STX11: variants seen among roughly 807,000 people sequenced by gnomAD.
The protein encoded by STX11 is syntaxin 11.
Under a neutral mutation model 19.9 loss-of-function variants are expected in STX11, and 21 were observed. The observed-to-expected ratio is 1.06, with a 90% CI of 0.75 to 1.52. The LOEUF is 1.52. Among genes scored for constraint, STX11 ranks in the 40% most tolerant of loss-of-function variants. The probability of loss-of-function intolerance (pLI) is 0.00; values close to 1 mark genes in which losing one functional copy is unlikely to be tolerated. For missense variants in STX11, 438 were observed against 405.9 expected (o/e 1.08, Z -0.68); for synonymous variants, 193 against 174.4 (o/e 1.11, Z -0.84).
At chr6:144,140,214 A>T in the STX11 span, among the ~76,000 whole-genome samples, 4 of 85,128 alleles carry the variant, frequency 4.7e-5, no homozygotes, top group African/African-American at 1.4e-4. Flanking sequence ...ATTCACATAT[A>T]TATATATATA....
intron 1 of STX11, among the ~76,000 whole-genome samples, chr6:144,163,970 G>T (rs1157037940): frequency 2.6e-5 from 4 of 152,168 alleles, no homozygotes; most frequent in African/African-American, 4.8e-5. Context: ...AAAGGTTTAT[G>T]TTAAGTTTTT....
chr6:144,174,038 G>A lies in STX11; in HGVS notation c.-5-12585G>A, dbSNP rs1172500557. ...TCTCACTATCCTGTTGATTGGCTGA[G>A]CAGTCTTCTGTTGGGCTCTCCGCGG... On this transcript the variant is annotated intron_variant, in intron 1 of 1. Coordinates refer to ENST00000367568, the MANE Select transcript of STX11 (RefSeq NM_003764.4). The surrounding 1 kb of genome is among the most constrained non-coding windows in gnomAD (Gnocchi z 5.3). 6.6e-6 allele frequency among the ~76,000 whole-genome samples: 1 copy of A among 152,204 alleles called. No homozygotes were observed. The highest frequency in any genetic ancestry group is 6.5e-5 in the Admixed American group (1 of 15,270).
In STX11 at chr6:144,165,270, C is replaced by T. The variant is rs1390519091; in HGVS notation, c.-6+14567C>T. 6.6e-6 allele frequency among the ~76,000 whole-genome samples: 1 copy of T among 151,982 alleles called. No individual in the cohort carries two copies. Among genetic ancestry groups the T allele is most frequent in the Non-Finnish European group, 1.5e-5 (1 of 67,972 alleles). On this transcript the variant is annotated intron_variant, in intron 1 of 1. Transcript: ENST00000367568. The surrounding 1 kb of genome is among the most constrained non-coding windows in gnomAD (Gnocchi z 5.8). ...GGGAGTTTGAGACCAACCTGACCAA[C>T]ATGGAGAAACCCCGTCTCTACTAAA...
At chr6:144,158,153 C>T (rs73778541) in intron 1 of STX11, among the ~76,000 whole-genome samples, 8,373 of 152,208 alleles carry the variant, frequency 0.055, 758 homozygotes, top group African/African-American at 0.19. Context: ...AACTCTTATG[C>T]CTTTCGTGGT....
At chr6:144,141,980 C>A in the STX11 span, among the ~76,000 whole-genome samples, 46 of 152,056 alleles carry the variant, frequency 3.0e-4, no homozygotes, top group Admixed American at 5.2e-4. Flanking sequence ...CTGCGCCCGG[C>A]CTCTTCTGTG....
In STX11 at chr6:144,153,581, G is replaced by A. The variant is rs1446715138; in HGVS notation, c.-6+2878G>A. 6.6e-6 allele frequency among the ~76,000 whole-genome samples: 1 copy of A among 152,216 alleles called. No individual in the cohort carries two copies. ...AGCCTTTGAACAAGTGAATGATATT[G>A]TCAGGTATGTGTTTAAAAAATAATA... On this transcript the variant is annotated intron_variant, in intron 1 of 1. Transcript: ENST00000367568. This position sits in a 1 kb window ranked among gnomAD's most constrained non-coding sequence, Gnocchi z 5.0.
chr6:144,160,246 A>C lies in STX11; in HGVS notation c.-6+9543A>C, dbSNP rs1801301274. Among the ~76,000 whole-genome samples the C allele has an allele frequency of 6.6e-6, 1 of 151,892 alleles. No individual in the cohort carries two copies. The highest frequency in any genetic ancestry group is 6.6e-5 in the Admixed American group (1 of 15,236). ...GTCTCGAACTCCTGACCTCAGGTGAACCGCCTGCCTCAGCCTACCAAAGTG... is the reference window on the plus strand; with the variant it reads ...GTCTCGAACTCCTGACCTCAGGTGACCCGCCTGCCTCAGCCTACCAAAGTG... On this transcript the variant is annotated intron_variant, in intron 1 of 1. Transcript: ENST00000367568. The surrounding 1 kb of genome is among the most constrained non-coding windows in gnomAD (Gnocchi z 4.3).
chr6:144,151,401 T>C lies in STX11; in HGVS notation c.-6+698T>C. 3.0e-6 allele frequency: 3 copies of C among 985,464 alleles called. No homozygotes were observed. The highest frequency in any genetic ancestry group is 3.6e-6 in the Non-Finnish European group (3 of 829,940). 61.0% of individuals were successfully genotyped at this position (985,464 alleles called of 1,614,324 possible). A position where few individuals can be genotyped will look rare whatever the true frequency, so the allele number is the denominator to read the frequency against. ...CTCAGCAGAGGGAGGAGCTGTTATT[T>C]ACAGGTATCCAAAAATGAGTCACAG... On this transcript the variant is annotated intron_variant, in intron 1 of 1. Transcript: ENST00000367568. This position sits in a 1 kb window ranked among gnomAD's most constrained non-coding sequence, Gnocchi z 4.6.
chr6:144,187,371 C>T lies in STX11; in HGVS notation c.744C>T (p.Asn248=). ...QADTLNVIEL[N]VQKTVDYTGQ... ...ACACCCTGAACGTCATCGAGCTCAACGTACAAAAGACGGTCGACTACACCG... is the reference window on the plus strand; with the variant it reads ...ACACCCTGAACGTCATCGAGCTCAATGTACAAAAGACGGTCGACTACACCG... Residue 248 remains asparagine, a synonymous_variant, in exon 2 of 2, where the codon AAC becomes AAT. Coordinates refer to ENST00000367568, the MANE Select transcript of STX11 (RefSeq NM_003764.4). The surrounding 1 kb of genome is among the most constrained non-coding windows in gnomAD (Gnocchi z 5.6). The T allele has an allele frequency of 1.2e-6, 2 of 1,610,532 alleles. No homozygotes were observed. Among genetic ancestry groups the T allele is most frequent in the South Asian group, 1.1e-5 (1 of 91,090 alleles).
rs1801764736 is a variant in STX11, at chr6:144,175,810, C to G, written c.-5-10813C>G. Among the ~76,000 whole-genome samples, 1 of 152,092 alleles carries G rather than the reference C, an allele frequency of 6.6e-6. No individual in the cohort carries two copies. Among genetic ancestry groups the G allele is most frequent in the Non-Finnish European group, 1.5e-5 (1 of 68,022 alleles). ...CTCCTTACCCACCTGACTTCCACAC[C>G]CGTGGAGAAATAAGAAAGGAAAAGC... is the stretch of plus-strand genomic sequence containing the variant. On this transcript the variant is annotated intron_variant, in intron 1 of 1. Transcript: ENST00000367568. The surrounding 1 kb of genome is among the most constrained non-coding windows in gnomAD (Gnocchi z 5.1).
At position 144,163,705 on chromosome 6, in the gene STX11, G is replaced by T. The variant is rs560146335; in HGVS notation, c.-6+13002G>T. 5.1e-4 allele frequency among the ~76,000 whole-genome samples: 78 copies of T among 152,160 alleles called. 1 individual carries two copies. The highest frequency in any genetic ancestry group is 6.9e-4 in the Non-Finnish European group (47 of 68,008). Reference sequence around the variant, plus strand: ...TCTCCATGTTGGCCAGGCTGGTCTTGAACTCCTGACCTCAGGTGATGCACC... The same window carrying T: ...TCTCCATGTTGGCCAGGCTGGTCTTTAACTCCTGACCTCAGGTGATGCACC... On this transcript the variant is annotated intron_variant, in intron 1 of 1. Coordinates refer to ENST00000367568, the MANE Select transcript of STX11 (RefSeq NM_003764.4).
chr6:144,141,374 T>C, the STX11 span, among the ~76,000 whole-genome samples: 28 of 152,200 alleles, frequency 1.8e-4, no homozygotes, highest in African/African-American at 5.1e-4. Flanking sequence ...AAAGATGCAA[T>C]AGTGTCAATT....
Position 144,150,657 on chromosome 6 carries a change from C to G in STX11, c.-52C>G. ...GCTGCGCCCACAGGGGACGCGCGCC[C>G]TGCCGGGAGAGGGGCTTCTCGGTTC... On this transcript the variant is annotated 5_prime_UTR_variant, in exon 1 of 2. Transcript: ENST00000367568. The G allele has an allele frequency of 1.0e-6, 1 of 985,344 alleles. No individual in the cohort carries two copies. Among genetic ancestry groups the G allele is most frequent in the Non-Finnish European group, 1.2e-6 (1 of 829,926 alleles). 61.0% of individuals were successfully genotyped at this position (985,344 alleles called of 1,614,324 possible).
upstream of STX11, among the ~76,000 whole-genome samples, chr6:144,150,047 G>C (rs1800953475): frequency 6.6e-6 from 1 of 152,152 alleles, no homozygotes; most frequent in South Asian, 2.1e-4. Flanking sequence ...GGCGGTGCTC[G>C]GCCTCCGTGT....
intron 1 of STX11, among the ~76,000 whole-genome samples, chr6:144,179,346 C>A (rs1749590334): frequency 6.6e-6 from 1 of 152,174 alleles, no homozygotes; most frequent in African/African-American, 2.4e-5. Flanking sequence ...AACCATATCA[C>A]CCTCTTAGAT....
chr6:144,178,084 G>A (rs78251391), intron 1 of STX11, among the ~76,000 whole-genome samples: 1,763 of 152,284 alleles, frequency 0.012, 44 homozygotes, highest in African/African-American at 0.04. Flanking sequence ...TAGGGAATAC[G>A]TTTCCTATTA....
At chr6:144,168,450 A>T (rs1801538621) in intron 1 of STX11, among the ~76,000 whole-genome samples, 1 of 152,210 alleles carries the variant, frequency 6.6e-6, no homozygotes, top group Non-Finnish European at 1.5e-5. Context: ...TTTCATTGAC[A>T]ACCATTTCAG....
chr6:144,166,729 T>C (rs1261994567), intron 1 of STX11, among the ~76,000 whole-genome samples: 1 of 152,024 alleles, frequency 6.6e-6, no homozygotes, highest in African/African-American at 2.4e-5. Context: ...TTTCACCACG[T>C]TGGCCAGGCT....
rs1801985871 is a variant in STX11, at chr6:144,184,775, A to G, written c.-5-1848A>G. On this transcript the variant is annotated intron_variant, in intron 1 of 1. Coordinates refer to ENST00000367568, the MANE Select transcript of STX11 (RefSeq NM_003764.4). The surrounding 1 kb of genome is among the most constrained non-coding windows in gnomAD (Gnocchi z 6.5). ...CTAGAAAATATCAGGCATATATAAC[A>G]TACGTTTATGTTCTCTGTCATTTAC... 6.6e-6 allele frequency among the ~76,000 whole-genome samples: 1 copy of G among 152,214 alleles called. No homozygotes were observed. The highest frequency in any genetic ancestry group is 6.5e-5 in the Admixed American group (1 of 15,278).
Sources: gnomAD v4.1 joint callset for allele counts (sites outside exome capture counted in the v4.1 genomes callset) on GRCh38, gnomAD v4.1.1 for gene constraint, Gnocchi (gnomAD v3.1) non-coding constraint, MANE v1.5 for transcripts, NCBI Gene and HGNC (gene_info 2026-07-23, HGNC 2026-07-21) for gene names.